Variants in DOP1B observed in about 807,000 individuals in gnomAD.
DOP1B encodes protein DOP1B.
DOP1B carries 174 observed loss-of-function variants against 233.5 expected under a neutral mutation model. The ratio of observed to expected loss-of-function variants is 0.75; its 90% CI spans 0.66 to 0.85. The LOEUF is 0.85. Among genes scored for constraint, DOP1B ranks in the 40% least tolerant of loss-of-function variants. DOP1B has a pLI of 0.00. For synonymous variants in DOP1B, 1,190 were observed against 1,185.6 expected, an observed-to-expected ratio of 1.00 and a Z score of -0.08; for missense variants, 2,652 against 2,846.6, an observed-to-expected ratio of 0.93 and a Z score of 1.56.
At position 36,208,814 on chromosome 21, in the gene DOP1B, C is replaced by T. The variant is rs1260039037; in HGVS notation, c.591C>T (p.Leu197=). ...GSVLASPSIR[L]PASVFVVGHI... Reference sequence around the variant, plus strand: ...TCCTGGCCAGCCCGTCCATCCGCCTCCCTGCCTCAGTCTTCGTGGTGGGCC... The same window carrying T: ...TCCTGGCCAGCCCGTCCATCCGCCTTCCTGCCTCAGTCTTCGTGGTGGGCC... Residue 197 remains leucine (L), a synonymous_variant, in exon 5 of 37, where the codon CTC becomes CTT. Coordinates refer to ENST00000691173, the MANE Select transcript of DOP1B (RefSeq NM_001320714.2). 6.2e-7 allele frequency: 1 copy of T among 1,606,794 alleles called. No individual in the cohort carries two copies. The highest frequency in any genetic ancestry group is 1.1e-5 in the South Asian group (1 of 89,980).
At chr21:36,160,477 C>CTTTTTTT (rs5843748) in intron 1 of DOP1B, among the ~76,000 whole-genome samples, 2 of 122,802 alleles carry the variant, frequency 1.6e-5, no homozygotes, top group Admixed American at 8.5e-5. Flanking sequence ...TTTAAGTTTT[C>CTTTTTTT]TTTTTTTTTT....
Position 36,180,907 on chromosome 21 carries a change from C to T in DOP1B, c.138+16036C>T, listed in dbSNP as rs914523779. Reference sequence around the variant, plus strand: ...TCTCAAAAAAAAAAAAAAGTATTCACTTATGTCCTTAAGAGTTCTTCTTAA... The same window carrying T: ...TCTCAAAAAAAAAAAAAAGTATTCATTTATGTCCTTAAGAGTTCTTCTTAA... On this transcript the variant is annotated intron_variant, in intron 2 of 36. Transcript: ENST00000691173. Among the ~76,000 whole-genome samples, 25 of 151,754 alleles carry T rather than the reference C, an allele frequency of 1.6e-4. 1 individual carries two copies. In the South Asian group the frequency reaches 5.2e-3, roughly 32 times the overall value.
chr21:36,181,196 A>G (rs973411383), intron 2 of DOP1B, among the ~76,000 whole-genome samples: 3 of 152,146 alleles, frequency 2.0e-5, no homozygotes, highest in Non-Finnish European at 2.9e-5. Flanking sequence ...ATCCTCACTC[A>G]TGTATCAGTT....
rs2066751730 is a variant in DOP1B at position 36,230,691 on chromosome 21, A to G, written c.1907A>G (p.Asn636Ser). ...CTTTGCATCCAAGAGCTAATCGCCA[A>G]CTTTGCCAGCAAGAACATTTTTGGA... Reference protein sequence around the residue: ...TFLCIQELIANFASKNIFGVQ... With the variant: ...TFLCIQELIASFASKNIFGVQ... The change falls in exon 14 of 37, where the codon AAC (asparagine) becomes AGC (serine). Residue 636 changes from asparagine to serine, a missense_variant. Asn to Ser is a conservative substitution (Grantham distance 46). Coordinates refer to ENST00000691173, the MANE Select transcript of DOP1B (RefSeq NM_001320714.2). 4 of 1,614,224 alleles carry G rather than the reference A, an allele frequency of 2.5e-6. No homozygotes were observed. Among genetic ancestry groups the G allele is most frequent in the South Asian group, 1.1e-5 (1 of 91,082 alleles).
chr21:36,220,094 T>C (rs1044592370), intron 10 of DOP1B, among the ~76,000 whole-genome samples: 1 of 152,160 alleles, frequency 6.6e-6, no homozygotes, highest in Non-Finnish European at 1.5e-5. Context: ...TTTGTTCCTT[T>C]TAAGGGAATA....
chr21:36,202,422 T>C (rs916773378), intron 4 of DOP1B, among the ~76,000 whole-genome samples: 8 of 152,302 alleles, frequency 5.3e-5, no homozygotes, highest in African/African-American at 1.7e-4. Context: ...CATATTACCC[T>C]GTGCTGGAGG....
In DOP1B at chr21:36,229,960, G is replaced by T. The variant is rs145075644; in HGVS notation, c.1666-490G>T. ...TTACAGGCATGAGCCACCACACCTG[G>T]CCTTATTTTATTTCTTCATACCTTT... On this transcript the variant is annotated intron_variant, in intron 13 of 36. Coordinates refer to ENST00000691173, the MANE Select transcript of DOP1B (RefSeq NM_001320714.2). Among the ~76,000 whole-genome samples the T allele has an allele frequency of 8.7e-4, 133 of 152,110 alleles. 1 individual carries two copies. Among genetic ancestry groups the T allele is most frequent in the African/African-American group, 2.8e-3 (118 of 41,504 alleles).
intron 2 of DOP1B, chr21:36,169,681 C>G (rs2835292): frequency 0.36 from 321,941 of 888,772 alleles, 60,051 homozygotes; most frequent in South Asian, 0.48. Flanking sequence ...GTAGGCGCGT[C>G]TGGGTGTGGG....
intron 2 of DOP1B, chr21:36,170,323 C>A (rs749142460): frequency 1.1e-5 from 3 of 285,650 alleles, no homozygotes; most frequent in Non-Finnish European, 2.0e-5. Flanking sequence ...CTAGGCCTGG[C>A]GCGGTGGCTC....
chr21:36,245,827 G>C lies in DOP1B; in HGVS notation c.3847G>C (p.Ala1283Pro), dbSNP rs757459880. ...AHLNLISNLL[A>P]RHQEALIGQS... ...CCTCAACCTCATCTCCAACCTCCTCGCTCGCCACCAGGAGGCCCTCATTGG... is the reference window on the plus strand; with the variant it reads ...CCTCAACCTCATCTCCAACCTCCTCCCTCGCCACCAGGAGGCCCTCATTGG... Residue 1283 changes from alanine (A) to proline (P), a missense_variant, in exon 19 of 37, where the codon GCT (alanine) becomes CCT (proline). Coordinates refer to ENST00000691173, the MANE Select transcript of DOP1B (RefSeq NM_001320714.2). This position sits in a 1 kb window ranked among gnomAD's most constrained non-coding sequence, Gnocchi z 5.5. 1.2e-6 allele frequency: 2 copies of C among 1,613,684 alleles called. No homozygotes were observed. The highest frequency in any genetic ancestry group is 1.7e-6 in the Non-Finnish European group (2 of 1,179,976).
intron 27 of DOP1B, among the ~76,000 whole-genome samples, chr21:36,273,425 T>G (rs1331457362): frequency 1.3e-5 from 2 of 152,092 alleles, no homozygotes; most frequent in African/African-American, 4.8e-5. Context: ...AAAAAAAGTT[T>G]TTTTAATGAC....
chr21:36,234,178 C>A (rs984578334), intron 15 of DOP1B, among the ~76,000 whole-genome samples: 1 of 152,094 alleles, frequency 6.6e-6, no homozygotes, highest in African/African-American at 2.4e-5. Flanking sequence ...TTTTGTACCA[C>A]ATTTCTTCTT....
At chr21:36,280,588 G>A (rs551813226) in intron 31 of DOP1B, among the ~76,000 whole-genome samples, 2 of 152,280 alleles carry the variant, frequency 1.3e-5, no homozygotes, top group East Asian at 1.9e-4. Flanking sequence ...AAATACTGCC[G>A]AAAGCATCCA....
intron 10 of DOP1B, among the ~76,000 whole-genome samples, chr21:36,220,667 A>T (rs2066613650): frequency 2.2e-5 from 3 of 134,898 alleles, no homozygotes; most frequent in African/African-American, 5.5e-5. Context: ...TGCCCAGCTA[A>T]TTTTTTTTTT....
intron 21 of DOP1B, among the ~76,000 whole-genome samples, chr21:36,250,119 C>T (rs923640823): frequency 1.3e-5 from 2 of 152,078 alleles, no homozygotes; most frequent in Non-Finnish European, 2.9e-5. Flanking sequence ...AGGCACTTAA[C>T]TCCTAGCCCT....
At chr21:36,275,822 T>TC (rs1416532759) in intron 27 of DOP1B, among the ~76,000 whole-genome samples, 1 of 152,092 alleles carries the variant, frequency 6.6e-6, no homozygotes, top group Non-Finnish European at 1.5e-5. Context: ...AGTGCATTCT[T>TC]CTAGGTGAGT....
chr21:36,263,237 CAAAA>C (rs34161973), intron 24 of DOP1B, among the ~76,000 whole-genome samples: 3 of 102,992 alleles, frequency 2.9e-5, no homozygotes, highest in Admixed American at 2.2e-4. Flanking sequence ...TCCGTCTCAC[CAAAA>C]AAAAAAAAAA....
At position 36,158,802 on chromosome 21, in the gene DOP1B, C is replaced by CAAAAA. The variant is rs386394681; in HGVS notation, c.-27+1871_-27+1875dup. Among the ~76,000 whole-genome samples the CAAAAA allele has an allele frequency of 3.6e-4, 34 of 93,798 alleles. 1 individual carries two copies. Among genetic ancestry groups the CAAAAA allele is most frequent in the Admixed American group, 2.2e-3 (20 of 9,228 alleles). 61.5% of individuals were successfully genotyped at this position (93,798 alleles called of 152,430 possible). A position where few individuals can be genotyped will look rare whatever the true frequency, so the allele number is the denominator to read the frequency against. On this transcript the variant is annotated intron_variant, in intron 1 of 36. Coordinates refer to ENST00000691173, the MANE Select transcript of DOP1B (RefSeq NM_001320714.2). ...TGGCGACAGAGCGAGACTCTTGTCT[C>CAAAAA]AAAAAAAAAAAAAAAAGAAAAGAAA...
At chr21:36,234,908 T>G (rs1318254051) in intron 15 of DOP1B, among the ~76,000 whole-genome samples, 3 of 152,220 alleles carry the variant, frequency 2.0e-5, no homozygotes, top group African/African-American at 7.2e-5. Context: ...TCTGACACAT[T>G]TATACATTGT....
Sources: gnomAD v4.1 joint callset for allele counts (sites outside exome capture counted in the v4.1 genomes callset) on GRCh38, gnomAD v4.1.1 for gene constraint, Gnocchi (gnomAD v3.1) non-coding constraint, MANE v1.5 for transcripts, NCBI Gene and HGNC (gene_info 2026-07-23, HGNC 2026-07-21) for gene names.